Variants in NTM observed in about 807,000 individuals in gnomAD.
NTM encodes neurotrimin.
Under a neutral mutation model 42.1 loss-of-function variants are expected in NTM, and 13 were observed. The ratio of observed to expected loss-of-function variants is 0.31; its 90% CI spans 0.20 to 0.49. The LOEUF (loss-of-function observed/expected upper bound fraction) is 0.49. Among genes scored for constraint, NTM ranks in the 20% least tolerant of loss-of-function variants. NTM has a pLI of 0.99. For synonymous variants in NTM, 187 were observed against 179.2 expected, an observed-to-expected ratio of 1.04 and a Z score of -0.35; for missense variants, 373 against 452.8, an observed-to-expected ratio of 0.82 and a Z score of 1.60.
chr11:132,207,904 T>C (rs561316316), intron 3 of NTM, among the ~76,000 whole-genome samples: 11 of 152,336 alleles, frequency 7.2e-5, no homozygotes, highest in African/African-American at 2.4e-4. Flanking sequence ...TGTGTCACCA[T>C]ACATTAGAAT....
intron 4 of NTM, among the ~76,000 whole-genome samples, chr11:132,293,329 G>A (rs57900960): frequency 0.018 from 2,732 of 152,252 alleles, 68 homozygotes; most frequent in African/African-American, 0.062. Context: ...AATATGTGCG[G>A]TATTTAAAAA....
chr11:131,783,373 T>C (rs1591805852), intron 1 of NTM, among the ~76,000 whole-genome samples: 1 of 152,236 alleles, frequency 6.6e-6, no homozygotes, highest in Non-Finnish European at 1.5e-5. Context: ...GGTTGGAAGA[T>C]GATAGTTTTA....
intron 1 of NTM, among the ~76,000 whole-genome samples, chr11:131,433,817 A>G (rs1221262649): frequency 2.0e-5 from 3 of 152,190 alleles, no homozygotes; most frequent in African/African-American, 7.2e-5. Context: ...AAAAAATTAT[A>G]CTTTAAGTTC....
At chr11:131,857,677 C>G (rs112731630) in intron 1 of NTM, among the ~76,000 whole-genome samples, 8 of 152,196 alleles carry the variant, frequency 5.3e-5, no homozygotes, top group African/African-American at 1.4e-4. Flanking sequence ...CTCCCTCACC[C>G]TCACTAAATG....
At chr11:132,205,694 C>A (rs1354011413) in intron 3 of NTM, among the ~76,000 whole-genome samples, 1 of 152,126 alleles carries the variant, frequency 6.6e-6, no homozygotes, top group East Asian at 1.9e-4. Context: ...ATGACCTTTT[C>A]AAAGGACTCT....
chr11:131,895,753 G>A (rs1258542812), intron 1 of NTM, among the ~76,000 whole-genome samples: 1 of 152,062 alleles, frequency 6.6e-6, no homozygotes, highest in East Asian at 1.9e-4. Flanking sequence ...ATAGAAAAGA[G>A]AGGCATGGGA....
At chr11:131,915,183 A>G (rs1487482367) in intron 2 of NTM, among the ~76,000 whole-genome samples, 1 of 152,226 alleles carries the variant, frequency 6.6e-6, no homozygotes, top group African/African-American at 2.4e-5. Flanking sequence ...CTGAAATCAC[A>G]TAAGCAGCCA....
intron 2 of NTM, among the ~76,000 whole-genome samples, chr11:131,928,241 T>C (rs1026300733): frequency 1.3e-5 from 2 of 152,216 alleles, no homozygotes; most frequent in Non-Finnish European, 2.9e-5. Flanking sequence ...CTTTACAGCA[T>C]GGCTAGATAC....
chr11:132,044,228 A>G (rs1029842128), intron 2 of NTM, among the ~76,000 whole-genome samples: 3 of 152,078 alleles, frequency 2.0e-5, no homozygotes, highest in Admixed American at 6.5e-5. Flanking sequence ...ACCTACCACA[A>G]GGTCATTCTA....
At chr11:131,743,584 T>G (rs974441553) in intron 1 of NTM, among the ~76,000 whole-genome samples, 1 of 152,212 alleles carries the variant, frequency 6.6e-6, no homozygotes, top group African/African-American at 2.4e-5. Context: ...GTGGAGTTCC[T>G]ACTAAGTGGT....
chr11:132,005,800 A>G (rs1565930826), intron 2 of NTM, among the ~76,000 whole-genome samples: 1 of 152,148 alleles, frequency 6.6e-6, no homozygotes. Context: ...CAGTTTCCTT[A>G]GCATACATTA....
At chr11:132,320,009 C>T (rs2095524344) in intron 7 of NTM, among the ~76,000 whole-genome samples, 1 of 152,180 alleles carries the variant, frequency 6.6e-6, no homozygotes, top group Non-Finnish European at 1.5e-5. Context: ...CAAACAGGGT[C>T]TGGAGTGGAC....
At chr11:131,911,963 G>T (rs545552467) in intron 2 of NTM, among the ~76,000 whole-genome samples, 1 of 152,284 alleles carries the variant, frequency 6.6e-6, no homozygotes, top group East Asian at 1.9e-4. Flanking sequence ...GTCTGTGCCT[G>T]AGCCTGGTGG....
chr11:131,611,790 G>A (rs1235870236), intron 1 of NTM, among the ~76,000 whole-genome samples: 1 of 152,132 alleles, frequency 6.6e-6, no homozygotes, highest in African/African-American at 2.4e-5. Context: ...CAACCAAGGT[G>A]GGAAAGACCA....
chr11:132,228,235 C>T (rs887909649), intron 4 of NTM, among the ~76,000 whole-genome samples: 3 of 152,162 alleles, frequency 2.0e-5, no homozygotes, highest in Admixed American at 6.5e-5. Flanking sequence ...CTCTGCTCTA[C>T]GTAGGTCCAT....
intron 1 of NTM, among the ~76,000 whole-genome samples, chr11:131,383,207 C>T (rs1942908735): frequency 6.6e-6 from 1 of 152,200 alleles, no homozygotes; most frequent in African/African-American, 2.4e-5. Flanking sequence ...CATAATCGAT[C>T]TGAAAGCATG....
At chr11:131,742,125 C>T (rs1302298285) in intron 1 of NTM, among the ~76,000 whole-genome samples, 1 of 152,154 alleles carries the variant, frequency 6.6e-6, no homozygotes, top group African/African-American at 2.4e-5. Context: ...TAATGGATAC[C>T]AGGCTTAATA....
intron 4 of NTM, among the ~76,000 whole-genome samples, chr11:132,234,110 G>A (rs1330012341): frequency 1.3e-5 from 2 of 152,130 alleles, no homozygotes; most frequent in Admixed American, 6.5e-5. Flanking sequence ...GGCTTTTTTG[G>A]AGTCATTCTT....
intron 1 of NTM, among the ~76,000 whole-genome samples, chr11:131,765,921 T>A (rs1156716812): frequency 6.6e-6 from 1 of 152,188 alleles, no homozygotes; most frequent in East Asian, 1.9e-4. Context: ...GAAGAGGCAG[T>A]TTCTGAGTTG....
Sources: allele counts gnomAD v4.1 joint callset (sites outside exome capture counted in the v4.1 genomes callset), GRCh38; gene constraint gnomAD v4.1.1; transcripts MANE v1.5; gene names NCBI Gene and HGNC (gene_info 2026-07-23, HGNC 2026-07-21).